SLC35F4: variants seen among roughly 807,000 people sequenced by gnomAD.
SLC35F4 encodes the protein chromosome 14 open reading frame 36.
SLC35F4 carries 24 observed loss-of-function variants against 44.2 expected under a neutral mutation model. The observed-to-expected ratio is 0.54, with a 90% CI of 0.39 to 0.76. SLC35F4 has a LOEUF of 0.76. SLC35F4 is among the 30% of genes least tolerant of loss of function. SLC35F4 has a pLI of 0.00. For missense variants in SLC35F4, 562 were observed against 586.1 expected, an observed-to-expected ratio of 0.96 and a Z score of 0.42; for synonymous variants, 238 against 223.6, an observed-to-expected ratio of 1.06 and a Z score of -0.57.
intron 1 of SLC35F4, among the ~76,000 whole-genome samples, chr14:57,968,950 A>G (rs1880971309): frequency 6.6e-6 from 1 of 152,240 alleles, no homozygotes; most frequent in Non-Finnish European, 1.5e-5. Context: ...TAGTTTCAGA[A>G]CTCAAATATG....
At chr14:57,695,996 G>A (rs934363978) in intron 1 of SLC35F4, among the ~76,000 whole-genome samples, 1 of 151,982 alleles carries the variant, frequency 6.6e-6, no homozygotes, top group African/African-American at 2.4e-5. Context: ...AGAAAACCTA[G>A]GCAATACCAT....
At chr14:57,741,647 A>C (rs1180911476) in intron 1 of SLC35F4, among the ~76,000 whole-genome samples, 1 of 152,250 alleles carries the variant, frequency 6.6e-6, no homozygotes, top group African/African-American at 2.4e-5. Flanking sequence ...AATGGAACCA[A>C]GTTGGAAAAC....
intron 1 of SLC35F4, among the ~76,000 whole-genome samples, chr14:57,813,196 T>A (rs1177860409): frequency 6.6e-6 from 1 of 152,236 alleles, no homozygotes; most frequent in Non-Finnish European, 1.5e-5. Context: ...TTCAGTATCA[T>A]GGCCCAACTC....
At chr14:57,826,876 G>C (rs1347608666) in intron 1 of SLC35F4, among the ~76,000 whole-genome samples, 1 of 152,190 alleles carries the variant, frequency 6.6e-6, no homozygotes, top group Non-Finnish European at 1.5e-5. Flanking sequence ...TGGTGAGGCT[G>C]TGGAGAAATA....
rs1232178955 is a variant in SLC35F4, at chr14:57,793,239, TA to T, written c.103+72483del. Among the ~76,000 whole-genome samples, 6 of 152,190 alleles carry T rather than the reference TA, an allele frequency of 3.9e-5. No individual in the cohort carries two copies. The South Asian group carries it at 1.0e-3, about 26-fold the overall frequency. ...CTCCACCTTTTTTATGCTCATTTTT[TA>T]AAAACTTTTATTTTTTTTTTTTCAA... On this transcript the variant is annotated intron_variant, in intron 1 of 7. Transcript: ENST00000556826.
chr14:57,920,768 G>T (rs573193918), intron 1 of SLC35F4, among the ~76,000 whole-genome samples: 78 of 152,226 alleles, frequency 5.1e-4, no homozygotes, highest in African/African-American at 1.7e-3. Context: ...TTCTAATTAG[G>T]TCTATAACCC....
intron 1 of SLC35F4, among the ~76,000 whole-genome samples, chr14:57,928,790 A>G (rs1889633940): frequency 6.6e-6 from 1 of 152,244 alleles, no homozygotes; most frequent in African/African-American, 2.4e-5. Flanking sequence ...AGCTATGATG[A>G]TAATAATGCT....
At chr14:57,844,461 G>A (rs1025029391) in intron 1 of SLC35F4, among the ~76,000 whole-genome samples, 4 of 152,168 alleles carry the variant, frequency 2.6e-5, no homozygotes, top group East Asian at 1.9e-4. Flanking sequence ...AAATCATAGC[G>A]AGAGAAATTT....
intron 1 of SLC35F4, among the ~76,000 whole-genome samples, chr14:57,893,864 TAAGTATA>T (rs1368845118): frequency 1.3e-5 from 2 of 152,204 alleles, no homozygotes; most frequent in Non-Finnish European, 2.9e-5. Context: ...TATTTCAGTT[TAAGTATA>T]TCACAATTCA....
At chr14:57,823,326 AT>A (rs1883377118) in intron 1 of SLC35F4, among the ~76,000 whole-genome samples, 1 of 152,076 alleles carries the variant, frequency 6.6e-6, no homozygotes, top group Non-Finnish European at 1.5e-5. Flanking sequence ...TCTCCTCACA[AT>A]ATTGTGATCA....
intron 1 of SLC35F4, among the ~76,000 whole-genome samples, chr14:57,708,657 C>T (rs987177996): frequency 1.1e-4 from 16 of 151,956 alleles, no homozygotes; most frequent in East Asian, 5.8e-4. Flanking sequence ...TGTGCGGAGA[C>T]GAGAGATTGT....
At chr14:57,680,272 C>T (rs2074849840) in intron 1 of SLC35F4, among the ~76,000 whole-genome samples, 1 of 152,060 alleles carries the variant, frequency 6.6e-6, no homozygotes, top group Admixed American at 6.6e-5. Flanking sequence ...ATGACAAAAA[C>T]CACATGATTA....
At chr14:57,957,611 T>C (rs567879433) in intron 1 of SLC35F4, among the ~76,000 whole-genome samples, 1 of 152,064 alleles carries the variant, frequency 6.6e-6, no homozygotes, top group Non-Finnish European at 1.5e-5. Context: ...CCAGCTAAGA[T>C]CAAACAAGAT....
chr14:57,727,172 C>G (rs980510256), intron 1 of SLC35F4, among the ~76,000 whole-genome samples: 1 of 151,362 alleles, frequency 6.6e-6, no homozygotes, highest in Non-Finnish European at 1.5e-5. Flanking sequence ...AGTTATGTCC[C>G]TCTAGAGAAC....
chr14:57,871,491 C>A (rs936875876), intron 1 of SLC35F4, among the ~76,000 whole-genome samples: 1 of 152,160 alleles, frequency 6.6e-6, no homozygotes, highest in Non-Finnish European at 1.5e-5. Flanking sequence ...ATTCATTTTA[C>A]AAATAAGCCT....
chr14:57,718,860 T>C (rs996375935), intron 1 of SLC35F4, among the ~76,000 whole-genome samples: 1 of 152,208 alleles, frequency 6.6e-6, no homozygotes, highest in Non-Finnish European at 1.5e-5. Flanking sequence ...ATCCCATTTG[T>C]CTATTTTTGC....
chr14:57,580,430 C>A (rs1366819407), intron 4 of SLC35F4: 2 of 229,522 alleles, frequency 8.7e-6, no homozygotes, highest in South Asian at 4.8e-5. Flanking sequence ...AAAGGCAATT[C>A]ATTTATACCT....
intron 1 of SLC35F4, among the ~76,000 whole-genome samples, chr14:57,898,948 T>C (rs1214314551): frequency 1.3e-5 from 2 of 152,166 alleles, no homozygotes; most frequent in African/African-American, 4.8e-5. Flanking sequence ...GAGTGAATTT[T>C]GCTCCTATCT....
At chr14:57,922,801 G>A (rs1331511663) in intron 1 of SLC35F4, among the ~76,000 whole-genome samples, 3 of 152,302 alleles carry the variant, frequency 2.0e-5, no homozygotes, top group Non-Finnish European at 4.4e-5. Flanking sequence ...TTTGTAAAAT[G>A]TGGCATTAGG....
Sources: gnomAD v4.1 joint callset for allele counts (sites outside exome capture counted in the v4.1 genomes callset) on GRCh38, gnomAD v4.1.1 for gene constraint, MANE v1.5 for transcripts, NCBI Gene and HGNC (gene_info 2026-07-23, HGNC 2026-07-21) for gene names.